The following GNG7 variants were observed in gnomAD, a reference collection of about 807,000 sequenced individuals.
GNG7 encodes guanine nucleotide-binding protein G(I)/G(S)/G(O) subunit gamma-7.
A neutral mutation model predicts 4.0 loss-of-function variants in GNG7; 1 was observed. The observed-to-expected ratio is 0.25, with a 90% confidence interval of 0.09 to 1.18. The LOEUF is 1.18. Ranked by LOEUF, GNG7 falls within the 50% of genes most tolerant of loss-of-function variation. The probability of loss-of-function intolerance (pLI) is 0.50; values close to 1 mark genes in which losing one functional copy is unlikely to be tolerated. For synonymous variants in GNG7, 34 were observed against 36.9 expected, an observed-to-expected ratio of 0.92 and a Z score of 0.29; for missense variants, 86 against 91.9, an observed-to-expected ratio of 0.94 and a Z score of 0.26.
intron 1 of GNG7, among the ~76,000 whole-genome samples, chr19:2,695,014 A>C (rs576588478): frequency 6.6e-6 from 1 of 152,160 alleles, no homozygotes; most frequent in Non-Finnish European, 1.5e-5. Flanking sequence ...ACGTTTACAA[A>C]AAAAAGTTTT....
chr19:2,577,580 A>G (rs578017391), intron 2 of GNG7, among the ~76,000 whole-genome samples: 18 of 152,062 alleles, frequency 1.2e-4, no homozygotes, highest in Non-Finnish European at 2.4e-4. Flanking sequence ...TCACGCCTGT[A>G]ATCCTAGCAC....
rs869231931 is a variant in GNG7, at chr19:2,657,361, AATATATATATATAT to A, written c.-134-11095_-134-11082del. Among the ~76,000 whole-genome samples, 35 of 16,304 alleles carry A rather than the reference AATATATATATATAT, an allele frequency of 2.1e-3. 1 individual carries two copies. The highest frequency in any genetic ancestry group is 8.9e-3 in the East Asian group (4 of 448). 10.7% of individuals were successfully genotyped at this position (16,304 alleles called of 152,430 possible). ...TTAAAAAAAAAAAAAAAAAAAAAAA[AATATATATATATAT>A]ATATATATATATATATATATATATA... On this transcript the variant is annotated intron_variant, in intron 1 of 4. Coordinates refer to ENST00000382159, the MANE Select transcript of GNG7 (RefSeq NM_052847.3).
chr19:2,562,679 C>T (rs1979779514), intron 2 of GNG7, among the ~76,000 whole-genome samples: 1 of 152,144 alleles, frequency 6.6e-6, no homozygotes, highest in African/African-American at 2.4e-5. Flanking sequence ...ACTGAGTGTA[C>T]CCTGGTCAGG....
Position 2,546,156 on chromosome 19 carries a change from G to A in GNG7, c.-38+8993C>T, listed in dbSNP as rs1478398972. 1.3e-5 allele frequency among the ~76,000 whole-genome samples: 2 copies of A among 152,198 alleles called. No individual in the cohort carries two copies. Among genetic ancestry groups the A allele is most frequent in the Middle Eastern group, 3.2e-3 (1 of 316 alleles). On this transcript the variant is annotated intron_variant, in intron 3 of 4. Coordinates refer to ENST00000382159, the MANE Select transcript of GNG7 (RefSeq NM_052847.3). This position sits in a 1 kb window ranked among gnomAD's most constrained non-coding sequence, Gnocchi z 6.3. ...CAAAGAGGGGACCCACGCAGAGCCC[G>A]GGGAGCCCGACTGAAATGGAAACTT...
In GNG7 at chr19:2,557,289, A is replaced by G. The variant is rs1263371193; in HGVS notation, c.-77-2101T>C. Among the ~76,000 whole-genome samples the G allele has an allele frequency of 6.6e-6, 1 of 151,192 alleles. No homozygotes were observed. The highest frequency in any genetic ancestry group is 1.5e-5 in the Non-Finnish European group (1 of 67,828). ...CATTTGCACACACAGACACGTGCAC[A>G]CACAGAGGTGCACATACACGCACAG... On this transcript the variant is annotated intron_variant, in intron 2 of 4. Transcript: ENST00000382159. The surrounding 1 kb of genome is among the most constrained non-coding windows in gnomAD (Gnocchi z 5.1).
At chr19:2,604,140 G>A (rs376703719) in intron 2 of GNG7, among the ~76,000 whole-genome samples, 1 of 151,330 alleles carries the variant, frequency 6.6e-6, no homozygotes, top group Admixed American at 6.6e-5. Flanking sequence ...GTGAGCCACC[G>A]TGCCGGGTCT....
intron 2 of GNG7, among the ~76,000 whole-genome samples, chr19:2,644,331 A>C (rs1230958761): frequency 2.6e-4 from 1 of 3,830 alleles, no homozygotes. Context: ...TACACTTTAT[A>C]TATATATATA....
chr19:2,543,561 C>A (rs1176870589), intron 3 of GNG7, among the ~76,000 whole-genome samples: 1 of 152,036 alleles, frequency 6.6e-6, no homozygotes. Context: ...GATGAGGGTG[C>A]AGCATTAAAA....
In GNG7 at chr19:2,540,362, G is replaced by C. The variant is rs540297349; in HGVS notation, c.-38+14787C>G. 7.5e-4 allele frequency among the ~76,000 whole-genome samples: 112 copies of C among 148,572 alleles called. 1 individual carries two copies. Among genetic ancestry groups the C allele is most frequent in the African/African-American group, 2.7e-3 (109 of 40,094 alleles). On this transcript the variant is annotated intron_variant, in intron 3 of 4. Transcript: ENST00000382159. ...GATGGGGGTCTCACTATGTTGTCCA[G>C]GCTGGTTTTGATCTCCTGGCCTCCG... is the stretch of plus-strand genomic sequence containing the variant.
chr19:2,536,946 ATT>A (rs930326594), intron 3 of GNG7, among the ~76,000 whole-genome samples: 6 of 144,570 alleles, frequency 4.2e-5, no homozygotes, highest in Non-Finnish European at 6.1e-5. Context: ...TTTTATTTTT[ATT>A]TTTATTTTTT....
chr19:2,695,499 C>T (rs558064448), intron 1 of GNG7, among the ~76,000 whole-genome samples: 1 of 152,316 alleles, frequency 6.6e-6, no homozygotes, highest in East Asian at 1.9e-4. Flanking sequence ...CACAACGGGC[C>T]TTTGTCGGAT....
chr19:2,698,139 T>C (rs1251969757), intron 1 of GNG7, among the ~76,000 whole-genome samples: 8 of 149,130 alleles, frequency 5.4e-5, no homozygotes, highest in South Asian at 4.2e-4. Context: ...TGGTGGTGGG[T>C]GCCTGTAGTC....
intron 3 of GNG7, among the ~76,000 whole-genome samples, chr19:2,543,038 G>C (rs370081249): frequency 6.6e-6 from 1 of 151,448 alleles, no homozygotes; most frequent in African/African-American, 2.4e-5. Flanking sequence ...TCAGTCTCCC[G>C]AGTAGCTGGG....
At chr19:2,689,896 T>A (rs1186558219) in intron 1 of GNG7, among the ~76,000 whole-genome samples, 1 of 152,104 alleles carries the variant, frequency 6.6e-6, no homozygotes, top group Non-Finnish European at 1.5e-5. Flanking sequence ...AGCCACTCTC[T>A]ACGGCAACGA....
Position 2,549,250 on chromosome 19 carries a change from G to A in GNG7, c.-38+5899C>T, listed in dbSNP as rs150767370. Among the ~76,000 whole-genome samples, 852 of 152,008 alleles carry A rather than the reference G, an allele frequency of 5.6e-3. 8 individuals are homozygous for A. The highest frequency in any genetic ancestry group is 0.019 in the African/African-American group (777 of 41,442). On this transcript the variant is annotated intron_variant, in intron 3 of 4. Transcript: ENST00000382159. ...TGGCAAAAATGGCAGCCGTGGGGGT[G>A]GAGGTGGAGGAGGACATGCACGGAG...
rs371823692 is a variant in GNG7 at position 2,626,250 on chromosome 19, G to C, written c.-78+19974C>G. ...CTGCTCCCGCCCCAGGCCTGAAGCCGGCCCCCTGCCCCAAACCAGCCTGAC... is the reference window on the plus strand; with the variant it reads ...CTGCTCCCGCCCCAGGCCTGAAGCCCGCCCCCTGCCCCAAACCAGCCTGAC... On this transcript the variant is annotated intron_variant, in intron 2 of 4. Coordinates refer to ENST00000382159, the MANE Select transcript of GNG7 (RefSeq NM_052847.3). This position sits in a 1 kb window ranked among gnomAD's most constrained non-coding sequence, Gnocchi z 5.0. Among the ~76,000 whole-genome samples the C allele has an allele frequency of 1.3e-5, 2 of 152,122 alleles. No individual in the cohort carries two copies. The highest frequency in any genetic ancestry group is 2.9e-5 in the Non-Finnish European group (2 of 68,030).
At chr19:2,518,452 T>C (rs1978293145) in intron 4 of GNG7, among the ~76,000 whole-genome samples, 1 of 152,206 alleles carries the variant, frequency 6.6e-6, no homozygotes, top group Non-Finnish European at 1.5e-5. Context: ...GCTGGAACAT[T>C]CAGACACCTC....
chr19:2,581,265 A>C (rs948335956), intron 2 of GNG7, among the ~76,000 whole-genome samples: 3 of 141,236 alleles, frequency 2.1e-5, no homozygotes, highest in South Asian at 4.7e-4. Context: ...GTTTGTCTAA[A>C]AGTGCCCAGA....
At chr19:2,622,037 G>A (rs1443837900) in intron 2 of GNG7, among the ~76,000 whole-genome samples, 1 of 151,634 alleles carries the variant, frequency 6.6e-6, no homozygotes, top group Non-Finnish European at 1.5e-5. Flanking sequence ...GGAGGAGTGA[G>A]TTCGATTCCC....
Sources: allele counts gnomAD v4.1 joint callset (sites outside exome capture counted in the v4.1 genomes callset), GRCh38; gene constraint gnomAD v4.1.1; non-coding constraint Gnocchi (gnomAD v3.1); transcripts MANE v1.5; gene names NCBI Gene and HGNC (gene_info 2026-07-23, HGNC 2026-07-21).